The following HYDIN variants were observed in gnomAD, a reference collection of about 807,000 sequenced individuals.
HYDIN encodes axonemal central pair apparatus protein HYDIN.
In HYDIN, 132 loss-of-function variants were observed where a neutral mutation model predicts 403.9. The observed-to-expected ratio is 0.33, with a 90% CI of 0.28 to 0.38. The LOEUF is 0.38. Among genes scored for constraint, HYDIN ranks in the 10% least tolerant of loss-of-function variants. HYDIN has a pLI of 1.00. For missense variants in HYDIN, 2,827 were observed against 5,009.5 expected (o/e 0.56, Z 13.15); for synonymous variants, 1,202 against 1,891.7 (o/e 0.64, Z 9.46).
intron 23 of HYDIN, among the ~76,000 whole-genome samples, chr16:71,014,447 C>T (rs563967879): frequency 6.6e-6 from 1 of 151,150 alleles, no homozygotes; most frequent in Non-Finnish European, 1.5e-5. Flanking sequence ...GTTCCCACCC[C>T]CTCCAGTCCA....
chr16:71,108,082 A>G (rs2083683122), intron 10 of HYDIN, among the ~76,000 whole-genome samples: 1 of 152,150 alleles, frequency 6.6e-6, no homozygotes, highest in African/African-American at 2.4e-5. Context: ...AAAACAAAAT[A>G]CTGCATATTC....
intron 41 of HYDIN, among the ~76,000 whole-genome samples, chr16:70,947,328 A>G (rs1302620248): frequency 6.6e-6 from 1 of 151,408 alleles, no homozygotes; most frequent in African/African-American, 2.4e-5. Flanking sequence ...TTCTGTTTAT[A>G]TGCTGTATTA....
intron 11 of HYDIN, among the ~76,000 whole-genome samples, chr16:71,093,317 T>C (rs1481229498): frequency 6.6e-6 from 1 of 152,226 alleles, no homozygotes; most frequent in Admixed American, 6.5e-5. Flanking sequence ...ATTGGAAAGA[T>C]AAAGCAGGAA....
chr16:71,135,834 G>A (rs1372299748), intron 8 of HYDIN, among the ~76,000 whole-genome samples: 2 of 141,922 alleles, frequency 1.4e-5, no homozygotes, highest in African/African-American at 2.6e-5. Flanking sequence ...GCAATTCAGT[G>A]ATTAAAGCTC....
At chr16:70,898,820 T>C (rs2076279938) in intron 53 of HYDIN, among the ~76,000 whole-genome samples, 1 of 150,518 alleles carries the variant, frequency 6.6e-6, no homozygotes, top group Non-Finnish European at 1.5e-5. Flanking sequence ...CTTGGCTCAT[T>C]GCAACCTCCG....
At chr16:71,197,959 C>G (rs2087788901) in intron 1 of HYDIN, among the ~76,000 whole-genome samples, 1 of 152,148 alleles carries the variant, frequency 6.6e-6, no homozygotes, top group South Asian at 2.1e-4. Flanking sequence ...TGTTGGCCAG[C>G]TGGTCTCAAA....
chr16:71,003,548 C>T (rs1487580551), intron 23 of HYDIN, among the ~76,000 whole-genome samples: 9 of 151,788 alleles, frequency 5.9e-5, no homozygotes, highest in African/African-American at 2.2e-4. Context: ...GTAAGCAATC[C>T]CAGAACTTTG....
intron 1 of HYDIN, among the ~76,000 whole-genome samples, chr16:71,209,656 G>A (rs2088484082): frequency 6.6e-6 from 1 of 152,248 alleles, no homozygotes; most frequent in South Asian, 2.1e-4. Context: ...CTGCCCCAAA[G>A]CTCCTTGAGC....
chr16:71,115,582 C>A (rs2144465257), intron 10 of HYDIN, 114 bp downstream of exon 10: 2 of 643,776 alleles, frequency 3.1e-6, no homozygotes, highest in East Asian at 5.0e-5. Flanking sequence ...ATATCATGTA[C>A]CGCCCATGGC....
intron 30 of HYDIN, among the ~76,000 whole-genome samples, chr16:70,977,860 C>G (rs1463416074): frequency 6.6e-6 from 1 of 151,814 alleles, no homozygotes; most frequent in Non-Finnish European, 1.5e-5. Context: ...TTGGCCACCC[C>G]TCTCCCCCAC....
chr16:70,874,745 G>A (rs1297701164), intron 63 of HYDIN, 72 bp downstream of exon 63: 3 of 1,516,372 alleles, frequency 2.0e-6, no homozygotes, highest in Admixed American at 2.1e-5. Context: ...CTCTGGCTGG[G>A]CCTTGAGTGG....
chr16:71,173,916 C>A (rs2086565181), intron 5 of HYDIN, among the ~76,000 whole-genome samples: 1 of 152,166 alleles, frequency 6.6e-6, no homozygotes, highest in South Asian at 2.1e-4. Context: ...CTCCTCAAAT[C>A]CAGCATGCTT....
chr16:71,055,000 A>G (rs1314291228), intron 18 of HYDIN, among the ~76,000 whole-genome samples: 1 of 152,294 alleles, frequency 6.6e-6, no homozygotes, highest in Non-Finnish European at 1.5e-5. Context: ...AATGAAGTAC[A>G]TACAGTCATT....
At chr16:71,137,115 C>T (rs765364032) in intron 8 of HYDIN, 36 bp downstream of exon 8, 16 of 737,896 alleles carry the variant, frequency 2.2e-5, no homozygotes, top group Non-Finnish European at 3.2e-5. Context: ...TTCCCCCCCT[C>T]CAAATTACTG....
At chr16:70,967,868 G>A (rs1177279937) in intron 36 of HYDIN, among the ~76,000 whole-genome samples, 3 of 152,132 alleles carry the variant, frequency 2.0e-5, no homozygotes, top group Non-Finnish European at 4.4e-5. Context: ...TTATAGGTGT[G>A]TACAACTGTG....
intron 23 of HYDIN, among the ~76,000 whole-genome samples, chr16:71,012,926 G>A (rs12149473): frequency 6.8e-6 from 1 of 147,430 alleles, no homozygotes; most frequent in Non-Finnish European, 1.5e-5. Context: ...AGGAAGCTGA[G>A]AGAGAGGAAT....
chr16:70,871,539 T>A, intron 65 of HYDIN, among the ~76,000 whole-genome samples: 1 of 152,186 alleles, frequency 6.6e-6, no homozygotes, highest in East Asian at 1.9e-4. Context: ...AAGAAGAGGT[T>A]AGAAAATTCC....
At chr16:70,835,886 T>A (rs1476318991) in intron 77 of HYDIN, 52 bp from the exon 78 acceptor site, 1 of 624,736 alleles carries the variant, frequency 1.6e-6, no homozygotes, top group East Asian at 2.7e-5. Context: ...AAGGGAAAAA[T>A]AAACATTATA....
chr16:71,213,654 A>G (rs1312428417), intron 1 of HYDIN, among the ~76,000 whole-genome samples: 1 of 152,138 alleles, frequency 6.6e-6, no homozygotes, highest in Non-Finnish European at 1.5e-5. Context: ...TAGCAAAACA[A>G]TGTAGTTCAA....
Sources: gnomAD v4.1 joint callset for allele counts (sites outside exome capture counted in the v4.1 genomes callset) on GRCh38, gnomAD v4.1.1 for gene constraint, MANE v1.5 for transcripts, NCBI Gene and HGNC (gene_info 2026-07-23, HGNC 2026-07-21) for gene names.